PRKCB: variants seen among roughly 807,000 people sequenced by gnomAD.
PRKCB encodes the protein protein kinase C beta.
Under a neutral mutation model 81.5 loss-of-function variants are expected in PRKCB, and 13 were observed. The ratio of observed to expected loss-of-function variants is 0.16; its 90% CI spans 0.10 to 0.25. PRKCB has a LOEUF of 0.25. Ranked by LOEUF, PRKCB falls within the 10% of genes least tolerant of loss-of-function variation. PRKCB has a pLI of 1.00. For synonymous variants in PRKCB, 335 were observed against 321.4 expected (o/e 1.04, Z -0.45); for missense variants, 509 against 875.7 (o/e 0.58, Z 5.29).
intron 8 of PRKCB, among the ~76,000 whole-genome samples, chr16:24,115,342 A>G (rs1966725116): frequency 7.0e-6 from 1 of 143,624 alleles, no homozygotes; most frequent in Non-Finnish European, 1.6e-5. Context: ...TTTAGCATTT[A>G]TCCAAAGAGT....
chr16:24,056,508 G>A (rs1317878462), intron 5 of PRKCB, among the ~76,000 whole-genome samples: 2 of 152,238 alleles, frequency 1.3e-5, no homozygotes, highest in Non-Finnish European at 2.9e-5. Flanking sequence ...CAAGTCTCAT[G>A]TTGAAATGTG....
intron 2 of PRKCB, among the ~76,000 whole-genome samples, chr16:23,913,822 A>G (rs8050605): frequency 0.92 from 139,973 of 151,936 alleles, 64,697 homozygotes; most frequent in East Asian, 1. Flanking sequence ...TGTATGCTCC[A>G]CGAAAGGAAT....
intron 3 of PRKCB, among the ~76,000 whole-genome samples, chr16:23,997,153 G>A (rs1459606850): frequency 6.6e-6 from 1 of 152,180 alleles, no homozygotes; most frequent in East Asian, 1.9e-4. Context: ...CCACTTTGGG[G>A]TTCCCATGCC....
intron 8 of PRKCB, among the ~76,000 whole-genome samples, chr16:24,113,271 T>C (rs1229334113): frequency 6.7e-6 from 1 of 150,166 alleles, no homozygotes; most frequent in Non-Finnish European, 1.5e-5. Context: ...TTTCTTCCTT[T>C]CTCTCTTGCT....
rs1244414166 is a variant in PRKCB, at chr16:24,215,524, C to T, written c.*708C>T. ...CAAACTACTTGAAAAGGGCATTTGGCACCACTCTCTGAAACAACACAGTCA... is the reference window on the plus strand; with the variant it reads ...CAAACTACTTGAAAAGGGCATTTGGTACCACTCTCTGAAACAACACAGTCA... On this transcript the variant is annotated 3_prime_UTR_variant, in exon 17 of 17. Transcript: ENST00000643927. 1.0e-6 allele frequency: 1 copy of T among 985,628 alleles called. No homozygotes were observed. Among genetic ancestry groups the T allele is most frequent in the African/African-American group, 1.7e-5 (1 of 57,202 alleles). The allele number at this position is 985,628 out of a possible 1,614,324, so 61.1% of individuals were successfully genotyped here.
chr16:24,203,727 A>G (rs1429772464), intron 16 of PRKCB, among the ~76,000 whole-genome samples: 2 of 152,244 alleles, frequency 1.3e-5, no homozygotes, highest in African/African-American at 4.8e-5. Flanking sequence ...TCTCTTAAAA[A>G]TAACCACAAA....
intron 4 of PRKCB, among the ~76,000 whole-genome samples, chr16:24,032,499 C>T (rs138832877): frequency 3.8e-4 from 58 of 152,314 alleles, no homozygotes; most frequent in African/African-American, 1.3e-3. Flanking sequence ...GCTGATGTCA[C>T]GCATGTTCAT....
chr16:23,999,636 T>C (rs554856148), intron 3 of PRKCB, among the ~76,000 whole-genome samples: 1 of 152,230 alleles, frequency 6.6e-6, no homozygotes, highest in Non-Finnish European at 1.5e-5. Flanking sequence ...TCAATTCATC[T>C]GTCTCTTGTA....
chr16:24,047,190 A>T (rs1237394627), intron 5 of PRKCB, among the ~76,000 whole-genome samples: 1 of 151,832 alleles, frequency 6.6e-6, no homozygotes, highest in Non-Finnish European at 1.5e-5. Context: ...TACAAAAAAA[A>T]AATTAGCTGG....
intron 5 of PRKCB, among the ~76,000 whole-genome samples, chr16:24,045,031 C>T (rs542358330): frequency 1.3e-5 from 2 of 152,010 alleles, no homozygotes; most frequent in African/African-American, 2.4e-5. Context: ...GAGGCTGTGG[C>T]GGTGAGGGGG....
In PRKCB at chr16:23,959,232, C is replaced by T. The variant is rs76675964; in HGVS notation, c.206-29276C>T. On this transcript the variant is annotated intron_variant, in intron 2 of 16. Coordinates refer to ENST00000643927, the MANE Select transcript of PRKCB (RefSeq NM_002738.7). ...GTGTGCTTGAAATCCTGCTGTGCGC[C>T]GAGCTGTATATCAGAGGTGTTATGG... Among the ~76,000 whole-genome samples the T allele has an allele frequency of 2.0e-3, 304 of 152,272 alleles. 1 individual carries two copies. Among genetic ancestry groups the T allele is most frequent in the African/African-American group, 6.2e-3 (258 of 41,556 alleles).
Position 24,191,161 on chromosome 16 carries a change from A to C in PRKCB, c.1794A>C (p.Ala598=), listed in dbSNP as rs1967786822. ...GCGAACGTGATATCAAAGAGCATGC[A>C]TTTTTCCGGTATATTGATTGGGAGA... ...PEGERDIKEH[A]FFRYIDWEKL... Residue 598 remains alanine, a synonymous_variant, in exon 16 of 17, where the codon GCA becomes GCC. Transcript: ENST00000643927. 4.3e-6 allele frequency: 7 copies of C among 1,613,896 alleles called. No individual in the cohort carries two copies. The African/African-American group carries it at 9.3e-5, about 22-fold the overall frequency.
rs183035919 is a variant in PRKCB, at chr16:24,135,706, G to T, written c.1065+11725G>T. On this transcript the variant is annotated intron_variant, in intron 9 of 16. Coordinates refer to ENST00000643927, the MANE Select transcript of PRKCB (RefSeq NM_002738.7). The stretch of plus-strand genomic sequence containing the variant: ...TAAAAGGCAGCTTAGTTCATGCCAG[G>T]AACAAAGGCCTTCTCTAAAGTCTGA... Among the ~76,000 whole-genome samples, 135 of 152,250 alleles carry T rather than the reference G, an allele frequency of 8.9e-4. 1 individual carries two copies. The highest frequency in any genetic ancestry group is 8.3e-3 in the South Asian group (40 of 4,818).
intron 10 of PRKCB, among the ~76,000 whole-genome samples, chr16:24,169,539 A>G (rs1281873507): frequency 6.6e-6 from 1 of 151,944 alleles, no homozygotes; most frequent in Non-Finnish European, 1.5e-5. Flanking sequence ...GGGCCTTCGC[A>G]CAGCCTGTTT....
chr16:24,027,501 A>G (rs1278501980), intron 3 of PRKCB, among the ~76,000 whole-genome samples: 1 of 152,126 alleles, frequency 6.6e-6, no homozygotes, highest in Non-Finnish European at 1.5e-5. Context: ...ACGGCACCTC[A>G]ATCTTTGAGC....
chr16:24,112,453 G>T (rs1433429905), intron 7 of PRKCB, among the ~76,000 whole-genome samples: 1 of 152,134 alleles, frequency 6.6e-6, no homozygotes, highest in Non-Finnish European at 1.5e-5. Flanking sequence ...CAGGAGGATC[G>T]CTTGAACCCA....
At chr16:23,856,711 G>A (rs1294223524) in intron 2 of PRKCB, among the ~76,000 whole-genome samples, 1 of 152,092 alleles carries the variant, frequency 6.6e-6, no homozygotes, top group Non-Finnish European at 1.5e-5. Context: ...TTTTTGTAGA[G>A]ATAGGGTCTC....
At chr16:24,098,316 A>G (rs1389652666) in intron 7 of PRKCB, 1 of 152,256 alleles carries the variant, frequency 6.6e-6, no homozygotes, top group Non-Finnish European at 1.5e-5. Flanking sequence ...ATGATTCCAC[A>G]GAAGGTTTGA....
At chr16:23,896,037 A>G (rs1373457328) in intron 2 of PRKCB, among the ~76,000 whole-genome samples, 1 of 150,322 alleles carries the variant, frequency 6.7e-6, no homozygotes, top group Non-Finnish European at 1.5e-5. Flanking sequence ...TCTTTAAATT[A>G]TGAATCTTTG....
Sources: gnomAD v4.1 joint callset for allele counts (sites outside exome capture counted in the v4.1 genomes callset) on GRCh38, gnomAD v4.1.1 for gene constraint, MANE v1.5 for transcripts, NCBI Gene and HGNC (gene_info 2026-07-23, HGNC 2026-07-21) for gene names.